RPGRIP1L: variants seen among roughly 807,000 people sequenced by gnomAD.
RPGRIP1L encodes RPGRIP1 like, also known as protein fantom.
RPGRIP1L carries 131 observed loss-of-function variants against 160.4 expected under a neutral mutation model. The ratio of observed to expected loss-of-function variants is 0.82; its 90% confidence interval spans 0.71 to 0.94. The LOEUF (loss-of-function observed/expected upper bound fraction) is 0.94, where lower values mean the gene tolerates loss of function less well. Among genes scored for constraint, RPGRIP1L ranks in the 40% least tolerant of loss-of-function variants. The pLI, the probability that RPGRIP1L is intolerant of heterozygous loss-of-function variation, is 0.00. For synonymous variants in RPGRIP1L, 510 were observed against 515.8 expected, an observed-to-expected ratio of 0.99 and a Z score of 0.15; for missense variants, 1,522 against 1,535.8, an observed-to-expected ratio of 0.99 and a Z score of 0.15.
intron 25 of RPGRIP1L, among the ~76,000 whole-genome samples, chr16:53,607,729 G>T (rs559995975): frequency 5.3e-5 from 8 of 152,214 alleles, no homozygotes; most frequent in Middle Eastern, 6.8e-3. Context: ...GCCAGAGAAA[G>T]AACTCGAAAT....
chr16:53,640,978 T>C, intron 19 of RPGRIP1L, 55 bp downstream of exon 19: 2 of 1,270,432 alleles, frequency 1.6e-6, no homozygotes, highest in Admixed American at 1.7e-5. Context: ...GCCTATATAA[T>C]TTATTTCAAA....
At position 53,691,814 on chromosome 16, in the gene RPGRIP1L, C is replaced by A. The variant is rs1173043240; in HGVS notation, c.529+252G>T. Among the ~76,000 whole-genome samples, 4 of 152,202 alleles carry A rather than the reference C, an allele frequency of 2.6e-5. No homozygotes were observed. In the East Asian group the frequency reaches 7.7e-4, roughly 29 times the overall value. On this transcript the variant is annotated intron_variant, in intron 4 of 26. Coordinates refer to ENST00000647211, the MANE Select transcript of RPGRIP1L (RefSeq NM_015272.5). Reference sequence around the variant, plus strand: ...TAACCAACCCAAACGCAATTCAACTCATTTTACTTAGTTTCACACATCTCT... The same window carrying A: ...TAACCAACCCAAACGCAATTCAACTAATTTTACTTAGTTTCACACATCTCT...
chr16:53,623,796 C>G (rs931445806), intron 22 of RPGRIP1L, among the ~76,000 whole-genome samples: 10 of 152,216 alleles, frequency 6.6e-5, no homozygotes, highest in African/African-American at 2.4e-4. Flanking sequence ...GGACCAATAT[C>G]TTACTCATTT....
chr16:53,695,277 T>C (rs1225226184), intron 3 of RPGRIP1L: 2 of 690,940 alleles, frequency 2.9e-6, no homozygotes, highest in Non-Finnish European at 2.6e-6. Context: ...GTCACAAATC[T>C]TGAAAACAGC....
At chr16:53,693,397 C>A (rs1175356141) in intron 3 of RPGRIP1L, 1 of 152,146 alleles carries the variant, frequency 6.6e-6, no homozygotes, top group East Asian at 1.9e-4. Context: ...AATAAAAAAA[C>A]CTTTAATAGC....
At chr16:53,655,740 T>C (rs1245956043) in intron 14 of RPGRIP1L, 12 of 152,150 alleles carry the variant, frequency 7.9e-5, no homozygotes, top group Admixed American at 3.9e-4. Context: ...CCTCTAGGGG[T>C]AGGGCCCAGG....
chr16:53,663,628 G>T (rs1470676090), intron 10 of RPGRIP1L, among the ~76,000 whole-genome samples: 1 of 151,868 alleles, frequency 6.6e-6, no homozygotes, highest in Non-Finnish European at 1.5e-5. Context: ...ATGTATTTCT[G>T]ACATGAAAAC....
chr16:53,636,806 G>GT (rs1451663921), intron 21 of RPGRIP1L, among the ~76,000 whole-genome samples: 5 of 152,060 alleles, frequency 3.3e-5, no homozygotes, highest in African/African-American at 9.7e-5. Context: ...GGTAATAGAT[G>GT]TTTTTTAACA....
intron 14 of RPGRIP1L, chr16:53,655,717 A>T (rs959880641): frequency 1.3e-5 from 2 of 152,246 alleles, no homozygotes; most frequent in African/African-American, 4.8e-5. Flanking sequence ...ATAAAAAAGC[A>T]TGGGCCCCAG....
rs1470967742 is a variant in RPGRIP1L at position 53,672,911 on chromosome 16, GTT to G, written c.986_987del (p.Lys329ThrfsTer9). 1.1e-5 allele frequency: 18 copies of G among 1,612,944 alleles called. No individual in the cohort carries two copies. The highest frequency in any genetic ancestry group is 1.5e-5 in the Non-Finnish European group (18 of 1,179,446). On this transcript the variant is annotated frameshift_variant, in exon 8 of 27. Coordinates refer to ENST00000647211, the MANE Select transcript of RPGRIP1L (RefSeq NM_015272.5). LOFTEE classifies it high-confidence loss of function. ...TCAGAAAACTTCATAGAATGTAATT[GTT>G]TCTCAAGACTGCAGCATTTTAAACG... ...EQRLKCCSLE[K>X]QLHSMKFSER...
chr16:53,691,929 A>C, intron 4 of RPGRIP1L, 137 bp downstream of exon 4: 1 of 808,866 alleles, frequency 1.2e-6, no homozygotes, highest in East Asian at 2.6e-5. Context: ...ATATTATTTT[A>C]TCAAAGTAAA....
At chr16:53,635,756 G>C (rs1965798195) in intron 22 of RPGRIP1L, 2 of 152,036 alleles carry the variant, frequency 1.3e-5, no homozygotes, top group Non-Finnish European at 2.9e-5. Context: ...AATTAACATA[G>C]ATGAATAGAA....
At chr16:53,682,285 T>G (rs1394143796) in intron 6 of RPGRIP1L, among the ~76,000 whole-genome samples, 1 of 152,224 alleles carries the variant, frequency 6.6e-6, no homozygotes, top group Non-Finnish European at 1.5e-5. Flanking sequence ...TAATAGCCAT[T>G]TTGTCTCTGC....
chr16:53,655,012 G>A (rs1312360098), intron 14 of RPGRIP1L, among the ~76,000 whole-genome samples: 4 of 152,118 alleles, frequency 2.6e-5, no homozygotes, highest in African/African-American at 7.2e-5. Context: ...GGATCTGTGA[G>A]GTCACAACTA....
chr16:53,610,947 T>C lies in RPGRIP1L; in HGVS notation c.3701+20A>G, dbSNP rs775275758. The C allele has an allele frequency of 9.7e-6, 15 of 1,546,014 alleles. No homozygotes were observed. Among genetic ancestry groups the C allele is most frequent in the African/African-American group, 5.4e-5 (4 of 73,512 alleles). On this transcript the variant is annotated intron_variant, in intron 25 of 26. Coordinates refer to ENST00000647211, the MANE Select transcript of RPGRIP1L (RefSeq NM_015272.5). ...CTACTTTATGTAAACCATTAGATTATTTGGACTGCCAAAACATACCTTCTA... is the reference window on the plus strand; with the variant it reads ...CTACTTTATGTAAACCATTAGATTACTTGGACTGCCAAAACATACCTTCTA...
chr16:53,622,362 T>TAA lies in RPGRIP1L; in HGVS notation c.3295-7_3295-6insTT. 2 of 540,336 alleles carry TAA rather than the reference T, an allele frequency of 3.7e-6. No homozygotes were observed. Among genetic ancestry groups the TAA allele is most frequent in the South Asian group, 2.6e-5 (1 of 38,260 alleles). 33.5% of individuals were successfully genotyped at this position (540,336 alleles called of 1,614,324 possible). ...CCGGGAGACAATGCGAGACTCTGTC[T>TAA]CAAAAAAAAAAAAAAAATCTTAAGA... On this transcript the variant is annotated splice_polypyrimidine_tract_variant and splice_region_variant and intron_variant, in intron 22 of 26. Coordinates refer to ENST00000647211, the MANE Select transcript of RPGRIP1L (RefSeq NM_015272.5).
chr16:53,623,313 G>A (rs1339137426), intron 22 of RPGRIP1L, among the ~76,000 whole-genome samples: 1 of 152,206 alleles, frequency 6.6e-6, no homozygotes, highest in Non-Finnish European at 1.5e-5. Context: ...CTCAGTGACA[G>A]TAGGGACTAT....
At chr16:53,701,294 G>A (rs1348449458) in intron 1 of RPGRIP1L, among the ~76,000 whole-genome samples, 1 of 151,978 alleles carries the variant, frequency 6.6e-6, no homozygotes, top group Non-Finnish European at 1.5e-5. Context: ...TGCATTTTGT[G>A]AGTTTTGTGA....
chr16:53,645,083 A>G (rs1189218463), intron 17 of RPGRIP1L, among the ~76,000 whole-genome samples: 2 of 152,226 alleles, frequency 1.3e-5, no homozygotes, highest in African/African-American at 4.8e-5. Context: ...CTATATTGGA[A>G]TAAGAAACTG....
Sources: allele counts gnomAD v4.1 joint callset (sites outside exome capture counted in the v4.1 genomes callset), GRCh38; gene constraint gnomAD v4.1.1; transcripts MANE v1.5; gene names NCBI Gene and HGNC (gene_info 2026-07-23, HGNC 2026-07-21).